JMJD1C: variants seen among roughly 807,000 people sequenced by gnomAD.
JMJD1C encodes jumonji domain containing 1C.
Under a neutral mutation model 245.3 loss-of-function variants are expected in JMJD1C, and 31 were observed. The ratio of observed to expected loss-of-function variants is 0.13; its 90% CI spans 0.09 to 0.17. JMJD1C has a LOEUF of 0.17. Among genes scored for constraint, JMJD1C ranks in the 10% least tolerant of loss-of-function variants. JMJD1C has a pLI of 1.00. For missense variants in JMJD1C, 2,691 were observed against 3,000.2 expected (o/e 0.90, Z 2.41); for synonymous variants, 1,057 against 1,017.4 (o/e 1.04, Z -0.74).
At chr10:63,305,457 ACCCTCTCTCTCT>A (rs1937975341) in intron 2 of JMJD1C, among the ~76,000 whole-genome samples, 1 of 37,188 alleles carries the variant, frequency 2.7e-5, no homozygotes, top group Non-Finnish European at 5.4e-5. Context: ...AGACGCTCTG[ACCCTCTCTCTCT>A]CTCTCTCTCT....
At chr10:63,185,494 T>C (rs1458232524) in intron 20 of JMJD1C, 69 bp downstream of exon 20, 6 of 868,860 alleles carry the variant, frequency 6.9e-6, no homozygotes, top group Non-Finnish European at 9.7e-6. Context: ...TACGGTTACT[T>C]ATCCTATCTC....
At chr10:63,513,773 C>T (rs1235780143) in intron 1 of JMJD1C, among the ~76,000 whole-genome samples, 1 of 151,944 alleles carries the variant, frequency 6.6e-6, no homozygotes, top group African/African-American at 2.4e-5. Context: ...ATTAGCCGGG[C>T]GTGTTGGCGG....
At chr10:63,472,610 G>T (rs1453952647) in intron 1 of JMJD1C, among the ~76,000 whole-genome samples, 2 of 152,082 alleles carry the variant, frequency 1.3e-5, no homozygotes, top group Non-Finnish European at 2.9e-5. Context: ...GGGATTGCAG[G>T]CATGAGCCAC....
intron 13 of JMJD1C, among the ~76,000 whole-genome samples, chr10:63,195,630 A>G (rs1450554202): frequency 6.6e-6 from 1 of 152,142 alleles, no homozygotes; most frequent in Non-Finnish European, 1.5e-5. Context: ...AACCCAAGGC[A>G]TAAGTTACAC....
intron 2 of JMJD1C, among the ~76,000 whole-genome samples, chr10:63,309,088 AAAC>A (rs1452871655): frequency 2.6e-5 from 4 of 152,216 alleles, no homozygotes; most frequent in South Asian, 2.1e-4. Context: ...AAGAAAGACC[AAAC>A]AACAACAACA....
At chr10:63,268,812 T>C in intron 2 of JMJD1C, 1 of 985,778 alleles carries the variant, frequency 1.0e-6, no homozygotes, top group Non-Finnish European at 1.2e-6. Context: ...CACAGGCAAA[T>C]GGCTCTCAAA....
At chr10:63,458,960 G>T (rs1192443817) in intron 1 of JMJD1C, among the ~76,000 whole-genome samples, 1 of 152,110 alleles carries the variant, frequency 6.6e-6, no homozygotes, top group Non-Finnish European at 1.5e-5. Context: ...GAGCTCAAGT[G>T]ATCTCCCTGC....
chr10:63,412,446 G>C (rs186908852), intron 1 of JMJD1C, among the ~76,000 whole-genome samples: 260 of 152,252 alleles, frequency 1.7e-3, no homozygotes, highest in Non-Finnish European at 3.1e-3. Context: ...ATTTCTTATT[G>C]CAATATGGTA....
At chr10:63,381,015 CT>C (rs1203710672) in intron 1 of JMJD1C, among the ~76,000 whole-genome samples, 10 of 152,138 alleles carry the variant, frequency 6.6e-5, no homozygotes, top group Admixed American at 5.2e-4. Context: ...TGAAATCAAC[CT>C]AAGTATCTGT....
intron 23 of JMJD1C, chr10:63,176,698 C>G: frequency 2.3e-6 from 1 of 428,816 alleles, no homozygotes; most frequent in Non-Finnish European, 4.2e-6. Flanking sequence ...CAGTTTACTA[C>G]TTCCTTCTCA....
intron 3 of JMJD1C, chr10:63,222,826 T>C (rs1446555376): frequency 1.4e-6 from 2 of 1,438,586 alleles, no homozygotes; most frequent in East Asian, 4.5e-5. Context: ...CAGATGCACC[T>C]TGGTGTGGAG....
At chr10:63,187,259 T>C (rs1844239597) in intron 18 of JMJD1C, among the ~76,000 whole-genome samples, 1 of 152,210 alleles carries the variant, frequency 6.6e-6, no homozygotes, top group East Asian at 1.9e-4. Flanking sequence ...GTCCAGGTAT[T>C]AGTTAACTCT....
Position 63,208,356 on chromosome 10 carries a change from G to C in JMJD1C, c.3313C>G (p.Pro1105Ala). 2 of 1,613,918 alleles carry C rather than the reference G, an allele frequency of 1.2e-6. No individual in the cohort carries two copies. The highest frequency in any genetic ancestry group is 1.7e-5 in the Admixed American group (1 of 60,014). The change falls in exon 10 of 26, where the codon CCA becomes GCA. Residue 1105 changes from proline to alanine, a missense_variant. Pro to Ala is a conservative substitution (Grantham distance 27). Transcript: ENST00000399262. ...TTLSNSVVNE[P>A]PRSYPSKEVS... ...TCTTTGGATGGGTATGATCTTGGTG[G>C]TTCATTGACCACACTATTAGACAAT...
Position 63,232,650 on chromosome 10 carries a change from A to G in JMJD1C, c.448-12667T>C, listed in dbSNP as rs570384963. Among the ~76,000 whole-genome samples the G allele has an allele frequency of 5.8e-3, 890 of 152,276 alleles. 3 individuals carry two copies. Among genetic ancestry groups the G allele is most frequent in the Non-Finnish European group, 9.8e-3 (664 of 68,016 alleles). Reference sequence around the variant, plus strand: ...GAACATCCATTTGGCATTGCTTGCAACTACTTATATCATTAATTACTAAGG... The same window carrying G: ...GAACATCCATTTGGCATTGCTTGCAGCTACTTATATCATTAATTACTAAGG... On this transcript the variant is annotated intron_variant, in intron 3 of 25. Coordinates refer to ENST00000399262, the MANE Select transcript of JMJD1C (RefSeq NM_032776.3).
chr10:63,347,267 C>T (rs140042261), intron 2 of JMJD1C, among the ~76,000 whole-genome samples: 3 of 151,856 alleles, frequency 2.0e-5, no homozygotes, highest in African/African-American at 4.8e-5. Flanking sequence ...CAACTTTATG[C>T]CTCCTTGTAA....
At chr10:63,351,090 T>C (rs1443643926) in intron 2 of JMJD1C, among the ~76,000 whole-genome samples, 3 of 150,700 alleles carry the variant, frequency 2.0e-5, no homozygotes, top group Non-Finnish European at 3.0e-5. Context: ...CTTTTTTTTT[T>C]TTTTTTGAGA....
intron 20 of JMJD1C, 54 bp downstream of exon 20, chr10:63,185,509 G>T: frequency 2.1e-6 from 2 of 960,390 alleles, no homozygotes; most frequent in Non-Finnish European, 3.4e-6. Context: ...TATCTCTGGG[G>T]ACAGTCTTAG....
Position 63,207,671 on chromosome 10 carries a change from G to A in JMJD1C, c.3998C>T (p.Ser1333Phe). 2 of 1,614,142 alleles carry A rather than the reference G, an allele frequency of 1.2e-6. No individual in the cohort carries two copies. The highest frequency in any genetic ancestry group is 1.7e-6 in the Non-Finnish European group (2 of 1,180,018). The stretch of plus-strand genomic sequence containing the variant: ...ATCTGTTTTATGTGCCCCAGCTGAA[G>A]ATCTTTCACTAACACGATCTTTAGA... ...LASKDRVSER[S>F]SAGAHKTDCL... Residue 1333 changes from serine to phenylalanine, a missense_variant, in exon 10 of 26, where the codon TCT (serine) becomes TTT (phenylalanine). Transcript: ENST00000399262.
intron 2 of JMJD1C, among the ~76,000 whole-genome samples, chr10:63,322,642 G>A (rs374282439): frequency 2.8e-4 from 43 of 151,614 alleles, no homozygotes; most frequent in Admixed American, 8.5e-4. Flanking sequence ...GTGAAACCCC[G>A]TCTCTACTAA....
Sources: gnomAD v4.1 joint callset for allele counts (sites outside exome capture counted in the v4.1 genomes callset) on GRCh38, gnomAD v4.1.1 for gene constraint, MANE v1.5 for transcripts, NCBI Gene and HGNC (gene_info 2026-07-23, HGNC 2026-07-21) for gene names.